The following LYPD6 variants were observed in gnomAD, a reference collection of about 807,000 sequenced individuals.
LYPD6 encodes ly6/PLAUR domain-containing protein 6.
LYPD6 carries 15 observed loss-of-function variants against 22.7 expected under a neutral mutation model. The ratio of observed to expected loss-of-function variants is 0.66; its 90% CI spans 0.44 to 1.02. The LOEUF is 1.02. Ranked by LOEUF, LYPD6 falls within the 50% of genes least tolerant of loss-of-function variation. LYPD6 has a pLI of 0.00. For synonymous variants in LYPD6, 72 were observed against 77.5 expected (o/e 0.93, Z 0.37); for missense variants, 189 against 208.4 (o/e 0.91, Z 0.57).
intron 1 of LYPD6, among the ~76,000 whole-genome samples, chr2:149,421,491 T>C (rs6434827): frequency 0.25 from 38,053 of 151,658 alleles, 5,483 homozygotes; most frequent in African/African-American, 0.4. Context: ...ACACTGAGTG[T>C]TGTGGGGATT....
chr2:149,456,169 A>T (rs1241128886), intron 3 of LYPD6, among the ~76,000 whole-genome samples: 1 of 152,198 alleles, frequency 6.6e-6, no homozygotes, highest in Non-Finnish European at 1.5e-5. Flanking sequence ...TAATTAGGGT[A>T]AGTTTAAAAT....
chr2:149,405,041 A>G (rs1478151536), intron 1 of LYPD6, among the ~76,000 whole-genome samples: 1 of 151,998 alleles, frequency 6.6e-6, no homozygotes, highest in Non-Finnish European at 1.5e-5. Context: ...TACATTTATT[A>G]ATTTGCGTAT....
At chr2:149,419,541 C>T (rs764849388) in intron 1 of LYPD6, among the ~76,000 whole-genome samples, 11 of 152,222 alleles carry the variant, frequency 7.2e-5, no homozygotes, top group Non-Finnish European at 1.3e-4. Flanking sequence ...GCTCCCAAAT[C>T]GGACAGCATT....
chr2:149,361,606 G>A (rs893205286), intron 1 of LYPD6, among the ~76,000 whole-genome samples: 4 of 152,168 alleles, frequency 2.6e-5, no homozygotes, highest in African/African-American at 9.7e-5. Flanking sequence ...CATACTGAGT[G>A]CTGTAGTCTG....
At position 149,429,199 on chromosome 2, in the gene LYPD6, T is replaced by G. The variant is rs1333146129; in HGVS notation, c.-71-8439T>G. ...GCCCTGGGCAAGTGGAATGGCACAT[T>G]ACTCTGGCCAATTCTTGGTCCAAAG... On this transcript the variant is annotated intron_variant, in intron 1 of 4. Coordinates refer to ENST00000334166, the MANE Select transcript of LYPD6 (RefSeq NM_194317.5). Among the ~76,000 whole-genome samples the G allele has an allele frequency of 3.4e-4, 52 of 152,174 alleles. 1 individual carries two copies. Among genetic ancestry groups the G allele is most frequent in the Non-Finnish European group, 4.4e-5 (3 of 68,012 alleles).
intron 1 of LYPD6, among the ~76,000 whole-genome samples, chr2:149,336,213 A>G (rs866725838): frequency 6.6e-6 from 1 of 152,180 alleles, no homozygotes; most frequent in Non-Finnish European, 1.5e-5. Context: ...TAGTTTGGGG[A>G]TGGTCTAATT....
At chr2:149,339,550 C>G (rs941374668) in intron 1 of LYPD6, among the ~76,000 whole-genome samples, 7 of 152,172 alleles carry the variant, frequency 4.6e-5, no homozygotes, top group Non-Finnish European at 1.0e-4. Context: ...TTACTCTTAT[C>G]AGGTTGCTAC....
At chr2:149,333,284 T>C (rs981427103) in intron 1 of LYPD6, among the ~76,000 whole-genome samples, 1 of 152,252 alleles carries the variant, frequency 6.6e-6, no homozygotes, top group Non-Finnish European at 1.5e-5. Flanking sequence ...TACAGATATC[T>C]GCCTATCTGA....
intron 1 of LYPD6, among the ~76,000 whole-genome samples, chr2:149,350,972 CTT>C (rs762751887): frequency 2.0e-5 from 3 of 152,164 alleles, no homozygotes; most frequent in Non-Finnish European, 4.4e-5. Context: ...GTATACAGGA[CTT>C]TTTGAAATGC....
intron 3 of LYPD6, among the ~76,000 whole-genome samples, chr2:149,456,268 C>A (rs999858183): frequency 5.9e-5 from 9 of 152,098 alleles, no homozygotes; most frequent in Admixed American, 2.6e-4. Flanking sequence ...CTTTCGCTTT[C>A]AATTTTACTG....
intron 3 of LYPD6, among the ~76,000 whole-genome samples, chr2:149,454,933 G>A (rs866295595): frequency 1.3e-5 from 2 of 152,084 alleles, no homozygotes; most frequent in African/African-American, 2.4e-5. Flanking sequence ...CCTTGAGACC[G>A]ATGAAGGTGC....
At chr2:149,451,225 C>T (rs1243047389) in intron 3 of LYPD6, among the ~76,000 whole-genome samples, 14 of 152,208 alleles carry the variant, frequency 9.2e-5, no homozygotes, top group Non-Finnish European at 1.8e-4. Context: ...ACACTGTGGC[C>T]TCACGTGGCA....
intron 1 of LYPD6, among the ~76,000 whole-genome samples, chr2:149,415,223 A>C (rs1195272076): frequency 6.6e-6 from 1 of 152,224 alleles, no homozygotes; most frequent in Non-Finnish European, 1.5e-5. Flanking sequence ...ACAGTCAGGC[A>C]GATCCTTTTG....
At chr2:149,419,038 A>G (rs1683023949) in intron 1 of LYPD6, among the ~76,000 whole-genome samples, 1 of 152,238 alleles carries the variant, frequency 6.6e-6, no homozygotes, top group Non-Finnish European at 1.5e-5. Context: ...ATCTGTAAAA[A>G]CTGGGATTAA....
At chr2:149,392,511 A>G (rs948667723) in intron 1 of LYPD6, among the ~76,000 whole-genome samples, 1 of 152,072 alleles carries the variant, frequency 6.6e-6, no homozygotes, top group African/African-American at 2.4e-5. Flanking sequence ...ACTCTTGGAA[A>G]CTCACAGGGT....
At chr2:149,343,135 C>T (rs1053023881) in intron 1 of LYPD6, among the ~76,000 whole-genome samples, 6 of 152,070 alleles carry the variant, frequency 3.9e-5, no homozygotes, top group African/African-American at 4.8e-5. Flanking sequence ...GTCTACAAGA[C>T]GTCTTGTAGA....
chr2:149,400,391 G>A (rs1003866884), intron 1 of LYPD6, among the ~76,000 whole-genome samples: 5 of 152,214 alleles, frequency 3.3e-5, no homozygotes, highest in African/African-American at 1.2e-4. Context: ...GTGACTGTAT[G>A]TGAGAAAACG....
At chr2:149,414,381 T>C (rs1294565505) in intron 1 of LYPD6, among the ~76,000 whole-genome samples, 2 of 152,228 alleles carry the variant, frequency 1.3e-5, no homozygotes, top group Non-Finnish European at 2.9e-5. Context: ...AAATCTTTCT[T>C]TGGAAATAGC....
intron 1 of LYPD6, among the ~76,000 whole-genome samples, chr2:149,357,046 C>T (rs1200584318): frequency 6.6e-6 from 1 of 152,112 alleles, no homozygotes; most frequent in Non-Finnish European, 1.5e-5. Flanking sequence ...TGTGTTTTTT[C>T]CCCAAGTTAA....
Sources: gnomAD v4.1 joint callset for allele counts (sites outside exome capture counted in the v4.1 genomes callset) on GRCh38, gnomAD v4.1.1 for gene constraint, MANE v1.5 for transcripts, NCBI Gene and HGNC (gene_info 2026-07-23, HGNC 2026-07-21) for gene names.